ANKRD11: variants seen among roughly 807,000 people sequenced by gnomAD.
ANKRD11 encodes ankyrin repeat domain 11.
Under a neutral mutation model 195.7 loss-of-function variants are expected in ANKRD11, and 17 were observed. That is an observed-to-expected ratio of 0.09 (90% CI 0.06 to 0.13). The LOEUF (loss-of-function observed/expected upper bound fraction) is 0.13. Among genes scored for constraint, ANKRD11 ranks in the 10% least tolerant of loss-of-function variants. The probability of loss-of-function intolerance (pLI) is 1.00; values close to 1 mark genes in which losing one functional copy is unlikely to be tolerated. For missense variants in ANKRD11, 3,735 were observed against 3,566.1 expected, an observed-to-expected ratio of 1.05 and a Z score of -1.21; for synonymous variants, 1,953 against 1,528.1, an observed-to-expected ratio of 1.28 and a Z score of -6.49.
chr16:89,429,775 C>T (rs1483518069), intron 1 of ANKRD11, among the ~76,000 whole-genome samples: 1 of 62,644 alleles, frequency 1.6e-5, no homozygotes, highest in African/African-American at 6.5e-5. Flanking sequence ...TCAACTCTCA[C>T]GCTCAGTCGT....
intron 2 of ANKRD11, among the ~76,000 whole-genome samples, chr16:89,413,569 G>A (rs1001333671): frequency 6.6e-6 from 1 of 152,196 alleles, no homozygotes; most frequent in Non-Finnish European, 1.5e-5. Context: ...AGCTTGCAGT[G>A]AGCCGAGGTC....
In ANKRD11 at chr16:89,341,550, T is replaced by C. The variant is rs2038659592; in HGVS notation, c.-59-24472A>G. On this transcript the variant is annotated intron_variant, in intron 2 of 12. Coordinates refer to ENST00000301030, the MANE Select transcript of ANKRD11 (RefSeq NM_013275.6). ...CCAGCTGATTTCTGAAAGCTGTAAA[T>C]AGAGGATAATGGCATAAAAAAAATT... 2.0e-5 allele frequency among the ~76,000 whole-genome samples: 3 copies of C among 152,004 alleles called. No homozygotes were observed. The South Asian group carries it at 6.2e-4, about 32-fold the overall frequency.
intron 1 of ANKRD11, among the ~76,000 whole-genome samples, chr16:89,462,511 C>A (rs1229381545): frequency 6.6e-6 from 1 of 152,000 alleles, no homozygotes; most frequent in East Asian, 1.9e-4. Flanking sequence ...AAGTGAGGAG[C>A]GTCTCTGCCT....
At chr16:89,488,418 A>G (rs191587314) in intron 1 of ANKRD11, among the ~76,000 whole-genome samples, 5 of 151,904 alleles carry the variant, frequency 3.3e-5, no homozygotes, top group South Asian at 2.1e-4. Flanking sequence ...AAGGGTCACA[A>G]TGAAGGCTGA....
At chr16:89,389,384 C>T (rs1288360325) in intron 2 of ANKRD11, among the ~76,000 whole-genome samples, 1 of 152,034 alleles carries the variant, frequency 6.6e-6, no homozygotes, top group Middle Eastern at 3.4e-3. Flanking sequence ...AAAAAAATTC[C>T]TGGGCATGTA....
chr16:89,442,123 G>A (rs1314990348), intron 1 of ANKRD11, among the ~76,000 whole-genome samples: 8 of 152,198 alleles, frequency 5.3e-5, no homozygotes, highest in East Asian at 1.9e-4. Flanking sequence ...TTGGCACACC[G>A]ATGCAGTGCA....
chr16:89,383,855 C>T (rs965122693), intron 2 of ANKRD11, among the ~76,000 whole-genome samples: 3 of 152,208 alleles, frequency 2.0e-5, no homozygotes, highest in Non-Finnish European at 2.9e-5. Flanking sequence ...CTTTCCCAAA[C>T]ACCACCTCCA....
intron 2 of ANKRD11, among the ~76,000 whole-genome samples, chr16:89,366,904 C>T (rs746133694): frequency 6.6e-6 from 1 of 152,222 alleles, no homozygotes; most frequent in African/African-American, 2.4e-5. Context: ...CTGTGAACGA[C>T]CCTTTAAGAA....
rs1252229710 is a variant in ANKRD11 at position 89,280,193 on chromosome 16, G to C, written c.6349C>G (p.Pro2117Ala). 1.9e-6 allele frequency: 3 copies of C among 1,608,312 alleles called. No homozygotes were observed. In the African/African-American group the frequency reaches 4.0e-5, roughly 21 times the overall value. ...GCGAAGGCGTCCGCCCAGGGCACCG[G>C]CTCCACCTGGCCGAGGTGAGACAGG... is the stretch of plus-strand genomic sequence containing the variant. ...RGLSHLGQVE[P>A]VPWADAFAGP... Residue 2117 changes from proline (P) to alanine (A), a missense_variant, in exon 9 of 13, where the codon CCG becomes GCG. Transcript: ENST00000301030.
Position 89,284,738 on chromosome 16 carries a change from C to A in ANKRD11, c.1804G>T (p.Ala602Ser), listed in dbSNP as rs778712672. 1.2e-5 allele frequency: 19 copies of A among 1,613,564 alleles called. No individual in the cohort carries two copies. In the Admixed American group the frequency reaches 3.0e-4, roughly 25 times the overall value. Residue 602 changes from alanine (A) to serine (S), a missense_variant, in exon 9 of 13, where the codon GCC (alanine) becomes TCC (serine). Coordinates refer to ENST00000301030, the MANE Select transcript of ANKRD11 (RefSeq NM_013275.6). ...GGGCTCTTCTTCTCCGACAGGGAGGCTCGCTTCCTGTGCTCCTGCCTCTTC... is the reference window on the plus strand; with the variant it reads ...GGGCTCTTCTTCTCCGACAGGGAGGATCGCTTCCTGTGCTCCTGCCTCTTC... The part of the protein sequence containing the change: ...VRKRQEHRKR[A>S]SLSEKKSPFL...
Position 89,478,728 on chromosome 16 carries a change from G to A in ANKRD11, c.-145+11517C>T, listed in dbSNP as rs183192474. ...CTAAAGCGGGTGGCAGTTTCTGCCC[G>A]TGACATTTCTCATTAGGACTTTCCA... On this transcript the variant is annotated intron_variant, in intron 1 of 12. Coordinates refer to ENST00000301030, the MANE Select transcript of ANKRD11 (RefSeq NM_013275.6). Among the ~76,000 whole-genome samples the A allele has an allele frequency of 4.6e-5, 7 of 152,358 alleles. No individual in the cohort carries two copies. In the East Asian group the frequency reaches 9.6e-4, roughly 21 times the overall value.
At chr16:89,410,875 C>T (rs960050425) in intron 2 of ANKRD11, among the ~76,000 whole-genome samples, 5 of 152,098 alleles carry the variant, frequency 3.3e-5, no homozygotes, top group East Asian at 1.9e-4. Flanking sequence ...ACCACATGTG[C>T]GTGAACACGT....
chr16:89,353,323 C>T (rs1408253844), intron 2 of ANKRD11, among the ~76,000 whole-genome samples: 2 of 150,272 alleles, frequency 1.3e-5, no homozygotes, highest in African/African-American at 4.9e-5. Flanking sequence ...GCCTGGGTGA[C>T]AGAGTGAGAC....
chr16:89,402,749 T>G, intron 2 of ANKRD11, among the ~76,000 whole-genome samples: 2 of 122,350 alleles, frequency 1.6e-5, no homozygotes, highest in African/African-American at 6.3e-5. Context: ...AGATAGGGGG[T>G]ATCTGCAGGG....
Position 89,279,850 on chromosome 16 carries a change from G to A in ANKRD11, c.6692C>T (p.Ala2231Val), listed in dbSNP as rs1227317460. ...CACGCTGGAGTCCGGATCCCCACGG[G>A]CCCTCTCTTCCGGCACCGTCTCCGC... Reference protein sequence around the residue: ...VEAETVPEERARGDPDSSVEP... With the variant: ...VEAETVPEERVRGDPDSSVEP... The change falls in exon 9 of 13, where the codon GCC becomes GTC. Residue 2231 changes from alanine (A) to valine (V), a missense_variant. Ala to Val is a moderately conservative substitution (Grantham distance 64, BLOSUM62 0). Coordinates refer to ENST00000301030, the MANE Select transcript of ANKRD11 (RefSeq NM_013275.6). This position sits in a 1 kb window ranked among gnomAD's most constrained non-coding sequence, Gnocchi z 5.6. 1 of 1,551,772 alleles carries A rather than the reference G, an allele frequency of 6.4e-7. No homozygotes were observed. Among genetic ancestry groups the A allele is most frequent in the Non-Finnish European group, 8.7e-7 (1 of 1,149,954 alleles).
intron 1 of ANKRD11, among the ~76,000 whole-genome samples, chr16:89,428,988 C>T (rs1043133979): frequency 6.6e-6 from 1 of 152,190 alleles, no homozygotes; most frequent in Non-Finnish European, 1.5e-5. Context: ...ATTTGTACAG[C>T]CCAACATCTA....
intron 2 of ANKRD11, among the ~76,000 whole-genome samples, chr16:89,406,086 G>A (rs147112494): frequency 6.7e-6 from 1 of 149,046 alleles, no homozygotes; most frequent in South Asian, 2.1e-4. Context: ...CTCCAGCCTG[G>A]GTGACAAAGG....
At chr16:89,313,567 G>A in intron 3 of ANKRD11, 1 of 1,289,190 alleles carries the variant, frequency 7.8e-7, no homozygotes, top group Non-Finnish European at 1.0e-6. Context: ...ATGTCACTGA[G>A]ATCACGATTC....
intron 2 of ANKRD11, among the ~76,000 whole-genome samples, chr16:89,409,379 C>T (rs917936811): frequency 4.6e-5 from 7 of 152,206 alleles, no homozygotes; most frequent in Non-Finnish European, 1.0e-4. Context: ...GGTGGGAAGG[C>T]GGTCCCCATC....
Sources: allele counts gnomAD v4.1 joint callset (sites outside exome capture counted in the v4.1 genomes callset), GRCh38; gene constraint gnomAD v4.1.1; non-coding constraint Gnocchi (gnomAD v3.1); transcripts MANE v1.5; gene names NCBI Gene and HGNC (gene_info 2026-07-23, HGNC 2026-07-21).